EFCAB5: variants seen among roughly 807,000 people sequenced by gnomAD.
The protein encoded by EFCAB5 is EF-hand calcium binding domain 5, also known as EF-hand calcium-binding domain-containing protein 5.
A neutral mutation model predicts 167.9 loss-of-function variants in EFCAB5; 131 were observed. The ratio of observed to expected loss-of-function variants is 0.78; its 90% CI spans 0.68 to 0.90. The LOEUF (loss-of-function observed/expected upper bound fraction) is 0.90, where lower values mean the gene tolerates loss of function less well. EFCAB5 is among the 40% of genes least tolerant of loss of function. The pLI, the probability that EFCAB5 is intolerant of heterozygous loss-of-function variation, is 0.00. For missense variants in EFCAB5, 1,663 were observed against 1,745.2 expected, an observed-to-expected ratio of 0.95 and a Z score of 0.84; for synonymous variants, 574 against 602.8, an observed-to-expected ratio of 0.95 and a Z score of 0.70.
chr17:30,091,044 C>A (rs906811895), intron 20 of EFCAB5, among the ~76,000 whole-genome samples: 3 of 152,142 alleles, frequency 2.0e-5, no homozygotes, highest in Non-Finnish European at 2.9e-5. Context: ...GGAAAGTAAG[C>A]AAATTGCCCC....
rs1046486847 is a variant in EFCAB5 at position 29,991,841 on chromosome 17, G to T, written c.768-1324G>T. ...CTAAGGCCTTATTGCATTCAACCTT[G>T]CCTTTTCAGTATATATAGCAGCTTC... On this transcript the variant is annotated intron_variant, in intron 4 of 22. Transcript: ENST00000394835. Among the ~76,000 whole-genome samples, 5 of 152,090 alleles carry T rather than the reference G, an allele frequency of 3.3e-5. No homozygotes were observed. The South Asian group carries it at 1.0e-3, about 32-fold the overall frequency.
At chr17:30,005,819 G>A (rs1173530247) in intron 7 of EFCAB5, among the ~76,000 whole-genome samples, 1 of 152,172 alleles carries the variant, frequency 6.6e-6, no homozygotes, top group Non-Finnish European at 1.5e-5. Flanking sequence ...CAAGACCTAA[G>A]GCCATGTCAG....
At chr17:29,976,733 A>G (rs2068070794) in intron 4 of EFCAB5, among the ~76,000 whole-genome samples, 1 of 152,212 alleles carries the variant, frequency 6.6e-6, no homozygotes, top group South Asian at 2.1e-4. Context: ...ATTTGTTTTA[A>G]TGAGACTCTA....
chr17:30,090,455 G>T lies in EFCAB5; in HGVS notation c.3718G>T (p.Val1240Phe), dbSNP rs372136811. The T allele has an allele frequency of 3.1e-6, 5 of 1,613,978 alleles. No individual in the cohort carries two copies. Among genetic ancestry groups the T allele is most frequent in the African/African-American group, 1.3e-5 (1 of 75,046 alleles). ...FLFKCTDSSE[V>F]VLASACGETH... is the part of the protein sequence containing the mutation. ...CTTTAAATGTACTGACAGTTCAGAAGTTGTTCTGGCTTCTGCCTGTGGAGA... is the reference window on the plus strand; with the variant it reads ...CTTTAAATGTACTGACAGTTCAGAATTTGTTCTGGCTTCTGCCTGTGGAGA... The change falls in exon 20 of 23, where the codon GTT becomes TTT. Residue 1240 changes from valine to phenylalanine, a missense_variant. Transcript: ENST00000394835.
intron 22 of EFCAB5, among the ~76,000 whole-genome samples, chr17:30,093,400 A>G (rs938708908): frequency 1.3e-5 from 2 of 152,226 alleles, no homozygotes; most frequent in Non-Finnish European, 1.5e-5. Flanking sequence ...CAGAGGCCCA[A>G]GGTCCTCCAC....
chr17:30,049,603 T>C (rs1597725216), intron 8 of EFCAB5, among the ~76,000 whole-genome samples: 1 of 151,972 alleles, frequency 6.6e-6, no homozygotes, highest in East Asian at 1.9e-4. Flanking sequence ...CCCATACATA[T>C]AATAAGCACA....
intron 20 of EFCAB5, 35 bp downstream of exon 20, chr17:30,090,709 G>C (rs2071179423): frequency 1.9e-6 from 3 of 1,573,756 alleles, no homozygotes; most frequent in South Asian, 2.4e-5. Flanking sequence ...AAATTCACAG[G>C]TTTAATAGGT....
At position 30,053,525 on chromosome 17, in the gene EFCAB5, A is replaced by G. The variant is rs1196113890; in HGVS notation, c.1571A>G (p.Glu524Gly). Residue 524 changes from glutamate to glycine, a missense_variant, in exon 10 of 23, where the codon GAA (glutamate) becomes GGA (glycine). Transcript: ENST00000394835. ...AEQGPQRISI[E>G]EQQQGKKPTA... ...CAAGGACCACAAAGAATTTCAATTG[A>G]AGAACAACAACAAGGCAAAAAGCCA... is the stretch of plus-strand genomic sequence containing the variant. 1.2e-6 allele frequency: 2 copies of G among 1,613,910 alleles called. No homozygotes were observed. The highest frequency in any genetic ancestry group is 1.1e-5 in the South Asian group (1 of 91,082).
rs534508299 is a variant in EFCAB5, at chr17:29,932,370, C to T, written c.-127+3041C>T. Among the ~76,000 whole-genome samples, 69 of 150,248 alleles carry T rather than the reference C, an allele frequency of 4.6e-4. 1 individual carries two copies. Among genetic ancestry groups the T allele is most frequent in the South Asian group, 6.3e-4 (3 of 4,734 alleles). Reference sequence around the variant, plus strand: ...TTCACCGTATTGGCCAGGCTGGTCTCGAACTCCTGTCCTCAAGTGATCTGC... The same window carrying T: ...TTCACCGTATTGGCCAGGCTGGTCTTGAACTCCTGTCCTCAAGTGATCTGC... On this transcript the variant is annotated intron_variant, in intron 1 of 3. Transcript: ENST00000448319.
intron 4 of EFCAB5, among the ~76,000 whole-genome samples, chr17:29,992,647 C>T (rs1424814031): frequency 1.3e-5 from 2 of 152,162 alleles, no homozygotes; most frequent in African/African-American, 4.8e-5. Context: ...TGCCTGGCCC[C>T]TCCATTGTAT....
intron 3 of EFCAB5, among the ~76,000 whole-genome samples, chr17:29,954,553 T>G (rs1282724432): frequency 6.6e-6 from 1 of 152,148 alleles, no homozygotes; most frequent in Non-Finnish European, 1.5e-5. Context: ...ATTTCAAGGA[T>G]GTATGAAACT....
In EFCAB5 at chr17:29,969,326, A is replaced by G; in HGVS notation, c.726A>G (p.Thr242=). Residue 242 remains threonine (T), a synonymous_variant, in exon 4 of 23, where the codon ACA becomes ACG. Transcript: ENST00000394835. ...ACCAGAGGTTGATGAAAGAAGTCAC[A>G]GAAGACCTGAAGATATATGTTCCTG... The part of the protein sequence containing the change: ...SGYQRLMKEV[T]EDLKIYVPDT... The G allele has an allele frequency of 6.2e-7, 1 of 1,609,616 alleles. No homozygotes were observed. The highest frequency in any genetic ancestry group is 8.5e-7 in the Non-Finnish European group (1 of 1,178,356).
intron 18 of EFCAB5, among the ~76,000 whole-genome samples, 155 bp downstream of exon 18, chr17:30,083,198 C>T (rs1485569492): frequency 6.6e-6 from 1 of 152,202 alleles, no homozygotes; most frequent in African/African-American, 2.4e-5. Flanking sequence ...GACAGGAATC[C>T]ATCTCAAATT....
In EFCAB5 at chr17:30,034,289, C is replaced by T. The variant is rs763951873; in HGVS notation, c.1104C>T (p.His368=). The change falls in exon 8 of 23, where the codon CAC becomes CAT. Residue 368 remains histidine (H), a synonymous_variant. Transcript: ENST00000394835. ...AAATGTTTGAGGAACTTCTTAAGCA[C>T]CTTTGCCACTCTGCAGATGAATTTC... is the stretch of plus-strand genomic sequence containing the variant. ...KSEMFEELLK[H]LCHSADEFRE... is the part of the protein sequence containing the mutation. 10 of 1,613,994 alleles carry T rather than the reference C, an allele frequency of 6.2e-6. No individual in the cohort carries two copies. Among genetic ancestry groups the T allele is most frequent in the Non-Finnish European group, 8.5e-6 (10 of 1,179,892 alleles).
At position 30,052,733 on chromosome 17, in the gene EFCAB5, C is replaced by T. The variant is rs75857643; in HGVS notation, c.1301-522C>T. Among the ~76,000 whole-genome samples the T allele has an allele frequency of 5.1e-3, 778 of 151,908 alleles. 12 individuals are homozygous for T. Among genetic ancestry groups the T allele is most frequent in the African/African-American group, 0.018 (733 of 41,358 alleles). ...CCTAGTATTCTGTTCTAGGTATCCACATAACTGTAGAGGAAAATAATTGAG... is the reference window on the plus strand; with the variant it reads ...CCTAGTATTCTGTTCTAGGTATCCATATAACTGTAGAGGAAAATAATTGAG... On this transcript the variant is annotated intron_variant, in intron 9 of 22. Transcript: ENST00000394835.
chr17:30,051,429 A>G (rs1346910728), intron 9 of EFCAB5, among the ~76,000 whole-genome samples: 1 of 152,220 alleles, frequency 6.6e-6, no homozygotes, highest in Non-Finnish European at 1.5e-5. Flanking sequence ...ATTTTTCACC[A>G]CAGTGCAATA....
At chr17:30,065,671 GA>G (rs1245089580) in intron 14 of EFCAB5, 1 of 151,852 alleles carries the variant, frequency 6.6e-6, no homozygotes, top group Non-Finnish European at 1.5e-5. Flanking sequence ...AAAAAAGAAA[GA>G]AAGAAAGAAA....
At chr17:30,073,254 T>C (rs550650376) in intron 14 of EFCAB5, 7 of 636,732 alleles carry the variant, frequency 1.1e-5, no homozygotes, top group East Asian at 2.9e-5. Context: ...ATGGGGTCTC[T>C]CTGTGTTGCC....
intron 3 of EFCAB5, among the ~76,000 whole-genome samples, chr17:29,950,947 C>A (rs985095814): frequency 1.3e-5 from 2 of 152,120 alleles, no homozygotes; most frequent in African/African-American, 2.4e-5. Flanking sequence ...GAATTCCTTT[C>A]TTTTTACACT....
Sources: gnomAD v4.1 joint callset for allele counts (sites outside exome capture counted in the v4.1 genomes callset) on GRCh38, gnomAD v4.1.1 for gene constraint, MANE v1.5 for transcripts, NCBI Gene and HGNC (gene_info 2026-07-23, HGNC 2026-07-21) for gene names.